The following KAZN variants were observed in gnomAD, a reference collection of about 807,000 sequenced individuals.
KAZN encodes the protein kazrin, periplakin interacting protein.
KAZN carries 40 observed loss-of-function variants against 87.4 expected under a neutral mutation model. The observed-to-expected ratio is 0.46, with a 90% CI of 0.36 to 0.60. The LOEUF is 0.60. Ranked by LOEUF, KAZN falls within the 20% of genes least tolerant of loss-of-function variation. The pLI, the probability that KAZN is intolerant of heterozygous loss-of-function variation, is 0.00. For missense variants in KAZN, 898 were observed against 1,073.9 expected, an observed-to-expected ratio of 0.84 and a Z score of 2.29; for synonymous variants, 466 against 458.3, an observed-to-expected ratio of 1.02 and a Z score of -0.22.
intron 8 of KAZN, among the ~76,000 whole-genome samples, chr1:15,073,486 C>CA (rs1397386921): frequency 6.6e-6 from 1 of 152,132 alleles, no homozygotes; most frequent in Non-Finnish European, 1.5e-5. Flanking sequence ...CCAGGGTCCC[C>CA]CCAGTAAGGG....
intron 1 of KAZN, among the ~76,000 whole-genome samples, chr1:14,016,169 T>C (rs1570533579): frequency 6.6e-6 from 1 of 152,148 alleles, no homozygotes; most frequent in Non-Finnish European, 1.5e-5. Context: ...TCTCTCCCAA[T>C]GCACGAAGCA....
chr1:14,399,009 A>G (rs911962929), intron 2 of KAZN, among the ~76,000 whole-genome samples: 17 of 152,052 alleles, frequency 1.1e-4, no homozygotes, highest in Non-Finnish European at 2.4e-4. Flanking sequence ...ATCCCTGGAC[A>G]AAGAAATTTT....
rs556813739 is a variant in KAZN, at chr1:14,294,177, C to A, written c.249+113585C>A. Among the ~76,000 whole-genome samples, 5 of 152,268 alleles carry A rather than the reference C, an allele frequency of 3.3e-5. No individual in the cohort carries two copies. The South Asian group carries it at 1.0e-3, about 32-fold the overall frequency. Reference sequence around the variant, plus strand: ...GAACCCGTGCATTCTGAGCCCAGGGCCAACTTCCCTAAGCATCATGCAAAT... The same window carrying A: ...GAACCCGTGCATTCTGAGCCCAGGGACAACTTCCCTAAGCATCATGCAAAT... On this transcript the variant is annotated intron_variant, in intron 2 of 16. Transcript: ENST00000636203.
intron 2 of KAZN, among the ~76,000 whole-genome samples, chr1:14,407,158 T>C (rs1382681204): frequency 6.6e-6 from 1 of 152,232 alleles, no homozygotes; most frequent in African/African-American, 2.4e-5. Flanking sequence ...ATTCCGTCGA[T>C]GGACATGTGG....
intron 2 of KAZN, among the ~76,000 whole-genome samples, chr1:14,419,949 T>A (rs907175041): frequency 2.0e-5 from 3 of 152,042 alleles, no homozygotes; most frequent in East Asian, 1.9e-4. Context: ...TTCCACAAGG[T>A]GGAAGGGAAC....
At position 14,524,926 on chromosome 1, in the gene KAZN, G is replaced by A. The variant is rs1671783854; in HGVS notation, c.250-74057G>A. On this transcript the variant is annotated intron_variant, in intron 2 of 16. Transcript: ENST00000636203. The stretch of plus-strand genomic sequence containing the variant: ...GCCAAAATATTCATATATTTCTTTG[G>A]AGACCCAGCAAGGTCTGGAGAGAGC... Among the ~76,000 whole-genome samples, 3 of 152,202 alleles carry A rather than the reference G, an allele frequency of 2.0e-5. No homozygotes were observed. The South Asian group carries it at 6.2e-4, about 32-fold the overall frequency.
chr1:14,609,609 C>A (rs1677652669), intron 1 of KAZN, among the ~76,000 whole-genome samples: 1 of 152,188 alleles, frequency 6.6e-6, no homozygotes, highest in Admixed American at 6.5e-5. Flanking sequence ...GCTCAGCACC[C>A]TTTTTTCAGG....
chr1:14,076,514 A>T (rs1448941739), intron 1 of KAZN, among the ~76,000 whole-genome samples: 1 of 152,146 alleles, frequency 6.6e-6, no homozygotes, highest in African/African-American at 2.4e-5. Flanking sequence ...GAACTGTGAG[A>T]CAATAAATTC....
At chr1:14,924,128 A>G in intron 1 of KAZN, 3 of 981,896 alleles carry the variant, frequency 3.1e-6, no homozygotes, top group Non-Finnish European at 3.6e-6. Flanking sequence ...CGCGGGACTG[A>G]GAGCCGTTCC....
At chr1:14,566,569 T>A (rs1224556252) in intron 2 of KAZN, among the ~76,000 whole-genome samples, 1 of 152,220 alleles carries the variant, frequency 6.6e-6, no homozygotes, top group Non-Finnish European at 1.5e-5. Flanking sequence ...TACCCACTTA[T>A]GAAAATCCTA....
chr1:14,994,024 G>A (rs16849139), intron 2 of KAZN, among the ~76,000 whole-genome samples: 3,800 of 152,290 alleles, frequency 0.025, 180 homozygotes, highest in African/African-American at 0.084. Flanking sequence ...AGGCATGGTC[G>A]CCTTTCCTGC....
intron 2 of KAZN, among the ~76,000 whole-genome samples, chr1:14,310,136 A>T (rs187503517): frequency 2.0e-5 from 3 of 152,218 alleles, no homozygotes; most frequent in Admixed American, 2.0e-4. Flanking sequence ...GGCTTTGAAC[A>T]CATGGCAGTG....
chr1:14,763,854 A>T (rs1205860767), intron 1 of KAZN, among the ~76,000 whole-genome samples: 3 of 152,120 alleles, frequency 2.0e-5, no homozygotes, highest in Admixed American at 1.3e-4. Flanking sequence ...GGTTCAAGTG[A>T]TTCTCCTGCC....
chr1:14,319,521 T>A (rs1402914866), intron 2 of KAZN, among the ~76,000 whole-genome samples: 11 of 152,178 alleles, frequency 7.2e-5, no homozygotes, highest in Non-Finnish European at 1.5e-4. Context: ...CTATGCCGAT[T>A]CTCGGGCTCT....
rs79957935 is a variant in KAZN, at chr1:14,017,369, A to G, written c.91+123613A>G. On this transcript the variant is annotated intron_variant, in intron 1 of 16. Coordinates refer to the KAZN transcript ENST00000636203. ...GGAAGTAACTTGTACAGTGCTTGCA[A>G]TTTCAGCATAGAAACTGAATATTTT... 4.7e-3 allele frequency among the ~76,000 whole-genome samples: 723 copies of G among 152,334 alleles called. 7 individuals carry two copies. Among genetic ancestry groups the G allele is most frequent in the African/African-American group, 0.016 (647 of 41,580 alleles).
intron 2 of KAZN, among the ~76,000 whole-genome samples, chr1:14,354,240 A>G (rs1288157676): frequency 6.6e-6 from 1 of 152,232 alleles, no homozygotes; most frequent in Non-Finnish European, 1.5e-5. Context: ...AAGAAACTAC[A>G]GGGAAATATA....
intron 1 of KAZN, among the ~76,000 whole-genome samples, chr1:14,865,663 T>C (rs1651367680): frequency 6.6e-6 from 1 of 152,190 alleles, no homozygotes. Flanking sequence ...CTGCCTGTAC[T>C]GGGTTGGATT....
intron 1 of KAZN, among the ~76,000 whole-genome samples, chr1:14,826,155 G>A (rs937363506): frequency 1.3e-5 from 2 of 152,136 alleles, no homozygotes; most frequent in African/African-American, 4.8e-5. Context: ...GTGGAAGCCC[G>A]TGCACCCCCA....
chr1:14,310,607 A>G (rs1053804835), intron 2 of KAZN, among the ~76,000 whole-genome samples: 7 of 152,168 alleles, frequency 4.6e-5, no homozygotes, highest in African/African-American at 1.7e-4. Context: ...AATTTCACAC[A>G]TTCAAATTGC....
Sources: gnomAD v4.1 joint callset for allele counts (sites outside exome capture counted in the v4.1 genomes callset) on GRCh38, gnomAD v4.1.1 for gene constraint, MANE v1.5 for transcripts, NCBI Gene and HGNC (gene_info 2026-07-23, HGNC 2026-07-21) for gene names.